Variants in PRPSAP2 observed in about 807,000 individuals in gnomAD.
The protein encoded by PRPSAP2 is phosphoribosyl pyrophosphate synthetase associated protein 2.
PRPSAP2 carries 24 observed loss-of-function variants against 40.6 expected under a neutral mutation model. That is an observed-to-expected ratio of 0.59 (90% CI 0.43 to 0.83). The LOEUF is 0.83. Ranked by LOEUF, PRPSAP2 falls within the 40% of genes least tolerant of loss-of-function variation. The pLI, the probability that PRPSAP2 is intolerant of heterozygous loss-of-function variation, is 0.00. For missense variants in PRPSAP2, 292 were observed against 465.6 expected (o/e 0.63, Z 3.43); for synonymous variants, 149 against 164.7 (o/e 0.90, Z 0.73).
rs144948475 is a variant in PRPSAP2, at chr17:18,920,220, G to T, written c.734-3694G>T. On this transcript the variant is annotated intron_variant, in intron 9 of 11. Transcript: ENST00000268835. The stretch of plus-strand genomic sequence containing the variant: ...GCACATGGGCTGTGATGAGGAACGC[G>T]TTGGCAGTCTTTAGATGAACGCTGC... Among the ~76,000 whole-genome samples, 3 of 152,300 alleles carry T rather than the reference G, an allele frequency of 2.0e-5. No homozygotes were observed. In the East Asian group the frequency reaches 5.8e-4, roughly 29 times the overall value.
intron 8 of PRPSAP2, among the ~76,000 whole-genome samples, chr17:18,909,514 G>T (rs2040826213): frequency 6.6e-6 from 1 of 151,978 alleles, no homozygotes; most frequent in African/African-American, 2.4e-5. Context: ...AAAGTGCTGG[G>T]ATTACAGGCG....
At chr17:18,927,870 C>T (rs1451414760) in intron 10 of PRPSAP2, among the ~76,000 whole-genome samples, 1 of 152,130 alleles carries the variant, frequency 6.6e-6, no homozygotes, top group South Asian at 2.1e-4. Flanking sequence ...ACTTCTACCT[C>T]CTGGCTAAAG....
At chr17:18,870,278 A>G (rs1415051055) in intron 4 of PRPSAP2, among the ~76,000 whole-genome samples, 3 of 152,128 alleles carry the variant, frequency 2.0e-5, no homozygotes, top group Non-Finnish European at 2.9e-5. Context: ...TCACTCCTGT[A>G]ATCCCAGCAC....
At chr17:18,886,540 A>G (rs966747278) in intron 7 of PRPSAP2, among the ~76,000 whole-genome samples, 1 of 151,742 alleles carries the variant, frequency 6.6e-6, no homozygotes, top group Non-Finnish European at 1.5e-5. Flanking sequence ...TTGTAGTTTT[A>G]GTAGAGATGG....
At chr17:18,891,898 C>T (rs1261218590) in intron 8 of PRPSAP2, among the ~76,000 whole-genome samples, 5 of 152,156 alleles carry the variant, frequency 3.3e-5, no homozygotes, top group East Asian at 1.9e-4. Context: ...ACTCTGTTGC[C>T]GAGGCTGGAG....
chr17:18,913,541 C>CTTTTTTTTTTT (rs35697920), intron 9 of PRPSAP2, among the ~76,000 whole-genome samples: 3 of 73,952 alleles, frequency 4.1e-5, no homozygotes, highest in African/African-American at 5.6e-5. Context: ...GCGTCTGGTT[C>CTTTTTTTTTTT]TTTTTTTTTT....
intron 1 of PRPSAP2, chr17:18,865,019 G>C (rs1019187999): frequency 6.6e-6 from 1 of 152,178 alleles, no homozygotes; most frequent in African/African-American, 2.4e-5. Context: ...GCTATTTTTT[G>C]TATTTTTAGT....
chr17:18,876,806 G>A (rs1048357302), intron 5 of PRPSAP2, among the ~76,000 whole-genome samples: 2 of 152,196 alleles, frequency 1.3e-5, no homozygotes, highest in Non-Finnish European at 2.9e-5. Flanking sequence ...AGGTGACTAG[G>A]TGGGGAGAAA....
At chr17:18,898,272 C>T (rs1597658481) in intron 8 of PRPSAP2, among the ~76,000 whole-genome samples, 1 of 152,224 alleles carries the variant, frequency 6.6e-6, no homozygotes, top group East Asian at 1.9e-4. Flanking sequence ...GCTGGGATTA[C>T]AGGCTTGAGC....
chr17:18,893,162 T>C (rs914241733), intron 8 of PRPSAP2, among the ~76,000 whole-genome samples: 1 of 150,130 alleles, frequency 6.7e-6, no homozygotes, highest in Non-Finnish European at 1.5e-5. Context: ...TCTTTTTTTT[T>C]TTTTTTTTTT....
intron 8 of PRPSAP2, among the ~76,000 whole-genome samples, chr17:18,910,441 A>C (rs1379565304): frequency 3.9e-5 from 6 of 152,166 alleles, no homozygotes; most frequent in African/African-American, 1.4e-4. Flanking sequence ...AATCAGACAA[A>C]AAAAGGCAAC....
intron 9 of PRPSAP2, among the ~76,000 whole-genome samples, chr17:18,921,563 G>T (rs1342695577): frequency 6.6e-6 from 1 of 152,172 alleles, no homozygotes; most frequent in African/African-American, 2.4e-5. Context: ...ATCTAGAGCA[G>T]TGGTTCTCAA....
chr17:18,916,438 C>T (rs907583252), intron 9 of PRPSAP2, among the ~76,000 whole-genome samples: 1 of 150,456 alleles, frequency 6.6e-6, no homozygotes, highest in African/African-American at 2.5e-5. Flanking sequence ...TGCAATGACA[C>T]GATCTTGGCT....
chr17:18,897,657 T>C (rs966029678), intron 8 of PRPSAP2, among the ~76,000 whole-genome samples: 2 of 151,960 alleles, frequency 1.3e-5, no homozygotes, highest in African/African-American at 2.4e-5. Flanking sequence ...AGATGGAGTT[T>C]TCACTATGTT....
At chr17:18,923,443 G>A (rs1197262122) in intron 9 of PRPSAP2, among the ~76,000 whole-genome samples, 1 of 152,106 alleles carries the variant, frequency 6.6e-6, no homozygotes, top group Non-Finnish European at 1.5e-5. Context: ...TGATTGTTCA[G>A]TGCTGCTGTG....
chr17:18,916,210 A>C (rs1332614486), intron 9 of PRPSAP2, among the ~76,000 whole-genome samples: 1 of 152,032 alleles, frequency 6.6e-6, no homozygotes, highest in Admixed American at 6.6e-5. Context: ...TGTACATAGC[A>C]ATACAGTCTT....
At chr17:18,885,657 G>A (rs1426854553) in intron 7 of PRPSAP2, among the ~76,000 whole-genome samples, 2 of 151,652 alleles carry the variant, frequency 1.3e-5, no homozygotes, top group Admixed American at 6.6e-5. Context: ...GCATGATCTC[G>A]GCTCACAGCA....
chr17:18,874,538 A>G (rs1345154605), intron 5 of PRPSAP2, among the ~76,000 whole-genome samples: 1 of 152,192 alleles, frequency 6.6e-6, no homozygotes, highest in East Asian at 1.9e-4. Flanking sequence ...TCCTGGGAAG[A>G]GGAGTGGCAG....
intron 3 of PRPSAP2, among the ~76,000 whole-genome samples, chr17:18,866,360 T>A (rs535233068): frequency 2.0e-5 from 3 of 152,078 alleles, no homozygotes; most frequent in Admixed American, 6.6e-5. Flanking sequence ...GTCAGGAGAT[T>A]GAGACCATCC....
Sources: gnomAD v4.1 joint callset for allele counts (sites outside exome capture counted in the v4.1 genomes callset) on GRCh38, gnomAD v4.1.1 for gene constraint, MANE v1.5 for transcripts, NCBI Gene and HGNC (gene_info 2026-07-23, HGNC 2026-07-21) for gene names.